The following CNTNAP5 variants were observed in gnomAD, a reference collection of about 807,000 sequenced individuals.
CNTNAP5 encodes contactin-associated protein-like 5.
A neutral mutation model predicts 150.2 loss-of-function variants in CNTNAP5; 72 were observed. That is an observed-to-expected ratio of 0.48 (90% confidence interval 0.40 to 0.58). The LOEUF is 0.58. Among genes scored for constraint, CNTNAP5 ranks in the 20% least tolerant of loss-of-function variants. The pLI is 0.00. For synonymous variants in CNTNAP5, 672 were observed against 619.8 expected (o/e 1.08, Z -1.25); for missense variants, 1,636 against 1,626.2 (o/e 1.01, Z -0.10).
chr2:124,417,104 A>AT (rs1226913954), intron 3 of CNTNAP5, among the ~76,000 whole-genome samples: 2 of 151,292 alleles, frequency 1.3e-5, no homozygotes, highest in East Asian at 3.9e-4. Context: ...TGCCCAGCTA[A>AT]TTTTTTTGTA....
At chr2:124,027,283 G>A (rs1680918729) in intron 1 of CNTNAP5, among the ~76,000 whole-genome samples, 1 of 152,190 alleles carries the variant, frequency 6.6e-6, no homozygotes, top group African/African-American at 2.4e-5. Context: ...AAGGCACAGC[G>A]CTGGGCTATT....
chr2:124,197,533 A>C (rs1215183121), intron 1 of CNTNAP5, among the ~76,000 whole-genome samples: 1 of 152,224 alleles, frequency 6.6e-6, no homozygotes, highest in Non-Finnish European at 1.5e-5. Flanking sequence ...CAGATCCATC[A>C]TGAATACTTT....
At chr2:124,160,365 G>A (rs937248809) in intron 1 of CNTNAP5, among the ~76,000 whole-genome samples, 5 of 152,102 alleles carry the variant, frequency 3.3e-5, no homozygotes, top group African/African-American at 1.2e-4. Flanking sequence ...TCCCATCATG[G>A]AAATAAAGAA....
intron 1 of CNTNAP5, among the ~76,000 whole-genome samples, chr2:124,105,014 T>C (rs1683144227): frequency 6.6e-6 from 1 of 152,256 alleles, no homozygotes; most frequent in South Asian, 2.1e-4. Flanking sequence ...TTCAGGCTGC[T>C]GTATGTCCTT....
At chr2:124,210,702 T>G (rs552930262) in intron 1 of CNTNAP5, among the ~76,000 whole-genome samples, 1 of 152,300 alleles carries the variant, frequency 6.6e-6, no homozygotes, top group East Asian at 1.9e-4. Flanking sequence ...TGTGACTCTC[T>G]TGCCCAAAAC....
chr2:124,311,252 A>G (rs2104657494), intron 3 of CNTNAP5, among the ~76,000 whole-genome samples: 1 of 152,316 alleles, frequency 6.6e-6, no homozygotes, highest in African/African-American at 2.4e-5. Context: ...GGCTTAAACA[A>G]TAGAAATTTA....
At chr2:124,290,907 T>TTTAC (rs1246448959) in intron 3 of CNTNAP5, among the ~76,000 whole-genome samples, 13 of 121,284 alleles carry the variant, frequency 1.1e-4, no homozygotes, top group Non-Finnish European at 7.0e-5. Context: ...TATTTATTTA[T>TTTAC]TTATTTATTT....
intron 11 of CNTNAP5, among the ~76,000 whole-genome samples, chr2:124,578,038 G>A (rs1389366305): frequency 2.6e-5 from 4 of 151,628 alleles, no homozygotes; most frequent in Admixed American, 6.6e-5. Context: ...GGCCGGGCAC[G>A]GTGGCTCATG....
intron 2 of CNTNAP5, among the ~76,000 whole-genome samples, chr2:124,224,652 A>G (rs1686412521): frequency 1.3e-5 from 2 of 152,072 alleles, no homozygotes; most frequent in African/African-American, 4.8e-5. Flanking sequence ...ATAGTTGGAC[A>G]TAGTAACATA....
chr2:124,502,999 A>G (rs1392610293), intron 7 of CNTNAP5, among the ~76,000 whole-genome samples: 1 of 152,186 alleles, frequency 6.6e-6, no homozygotes, highest in East Asian at 1.9e-4. Context: ...AATTCACAAG[A>G]TATGTATGTA....
chr2:124,153,043 C>T (rs1253675265), intron 1 of CNTNAP5, among the ~76,000 whole-genome samples: 4 of 152,046 alleles, frequency 2.6e-5, no homozygotes, highest in Non-Finnish European at 4.4e-5. Flanking sequence ...CTAAAACTAC[C>T]CTTAGGCCAA....
At chr2:124,853,250 C>T (rs17012066) in intron 19 of CNTNAP5, among the ~76,000 whole-genome samples, 28,275 of 152,152 alleles carry the variant, frequency 0.19, 3,125 homozygotes, top group African/African-American at 0.3. Context: ...CTTATATGTA[C>T]ATTGTGGCAC....
At chr2:124,236,811 T>A (rs549912736) in intron 2 of CNTNAP5, among the ~76,000 whole-genome samples, 524 of 150,286 alleles carry the variant, frequency 3.5e-3, no homozygotes, top group Non-Finnish European at 6.3e-3. Flanking sequence ...AAAAAAAAAA[T>A]GGTCAGGCTG....
chr2:124,349,539 C>T (rs1333639453), intron 3 of CNTNAP5, among the ~76,000 whole-genome samples: 1 of 152,144 alleles, frequency 6.6e-6, no homozygotes, highest in Non-Finnish European at 1.5e-5. Flanking sequence ...CTTTCTTTTA[C>T]ATTGCTTGAG....
chr2:124,599,959 C>CT (rs1351009946), intron 11 of CNTNAP5, among the ~76,000 whole-genome samples: 1,529 of 148,404 alleles, frequency 0.01, 24 homozygotes, highest in African/African-American at 0.034. Flanking sequence ...AGAACCATGT[C>CT]TTTTTTTTTT....
At chr2:124,477,639 A>G in intron 7 of CNTNAP5, among the ~76,000 whole-genome samples, 1 of 148,328 alleles carries the variant, frequency 6.7e-6, no homozygotes, top group South Asian at 2.1e-4. Context: ...TAACATAAAC[A>G]CTGGCTTGCT....
At chr2:124,398,521 A>C (rs1425716629) in intron 3 of CNTNAP5, among the ~76,000 whole-genome samples, 1 of 87,774 alleles carries the variant, frequency 1.1e-5, no homozygotes, top group African/African-American at 3.2e-5. Context: ...TTTGAGATGA[A>C]GTTTTGCTCT....
At chr2:124,164,708 A>C (rs1478871193) in intron 1 of CNTNAP5, among the ~76,000 whole-genome samples, 2 of 152,172 alleles carry the variant, frequency 1.3e-5, no homozygotes, top group African/African-American at 4.8e-5. Context: ...GACAGATTAC[A>C]CAGGGCCACG....
intron 1 of CNTNAP5, among the ~76,000 whole-genome samples, chr2:124,066,610 A>G (rs973578025): frequency 6.6e-6 from 1 of 152,184 alleles, no homozygotes; most frequent in Admixed American, 6.5e-5. Context: ...TTACTTTTAC[A>G]TCCTGAAAGT....
Sources: gnomAD v4.1 joint callset for allele counts (sites outside exome capture counted in the v4.1 genomes callset) on GRCh38, gnomAD v4.1.1 for gene constraint, MANE v1.5 for transcripts, NCBI Gene and HGNC (gene_info 2026-07-23, HGNC 2026-07-21) for gene names.